GALNT13: variants seen among roughly 807,000 people sequenced by gnomAD.
GALNT13 encodes UDP-GalNAc:polypeptide N-acetylgalactosaminyltransferase 13.
GALNT13 carries 28 observed loss-of-function variants against 64.2 expected under a neutral mutation model. That is an observed-to-expected ratio of 0.44 (90% CI 0.32 to 0.60). The LOEUF (loss-of-function observed/expected upper bound fraction) is 0.60. Among genes scored for constraint, GALNT13 ranks in the 20% least tolerant of loss-of-function variants. The pLI is 0.05. For missense variants in GALNT13, 577 were observed against 669.8 expected (o/e 0.86, Z 1.53); for synonymous variants, 214 against 224.6 (o/e 0.95, Z 0.42).
At chr2:153,207,108 T>A in the GALNT13 span, among the ~76,000 whole-genome samples, 1 of 152,092 alleles carries the variant, frequency 6.6e-6, no homozygotes, top group Admixed American at 6.5e-5. Flanking sequence ...TGCATTTTGT[T>A]CATAGTTTAT....
At chr2:153,358,255 T>A in the GALNT13 span, among the ~76,000 whole-genome samples, 4 of 152,206 alleles carry the variant, frequency 2.6e-5, no homozygotes, top group Non-Finnish European at 5.9e-5. Context: ...AAATCCAGTA[T>A]GTATGTCTTT....
intron 7 of GALNT13, 151 bp downstream of exon 7, chr2:154,246,133 C>G (rs1234212453): frequency 4.4e-6 from 2 of 458,276 alleles, no homozygotes; most frequent in Non-Finnish European, 7.3e-6. Context: ...ATATAAGGAT[C>G]AATGACAATA....
the GALNT13 span, among the ~76,000 whole-genome samples, chr2:153,774,637 T>C: frequency 6.6e-6 from 1 of 152,186 alleles, no homozygotes; most frequent in African/African-American, 2.4e-5. Context: ...GGCTCACACC[T>C]GTAATCATAG....
chr2:153,746,004 G>T, the GALNT13 span, among the ~76,000 whole-genome samples: 101 of 152,280 alleles, frequency 6.6e-4, 2 homozygotes, highest in East Asian at 0.016. Flanking sequence ...TGGTTTCCCA[G>T]AATGCAATAG....
At chr2:153,564,207 T>TC in the GALNT13 span, among the ~76,000 whole-genome samples, 3 of 151,850 alleles carry the variant, frequency 2.0e-5, no homozygotes, top group Admixed American at 6.6e-5. Context: ...TATATATTTT[T>TC]TTTACTATTC....
the GALNT13 span, among the ~76,000 whole-genome samples, chr2:153,773,415 A>G: frequency 6.6e-6 from 1 of 152,288 alleles, no homozygotes; most frequent in African/African-American, 2.4e-5. Flanking sequence ...TAATTCTACT[A>G]TCGTATTGGA....
chr2:154,396,735 A>G (rs998928574), intron 10 of GALNT13, among the ~76,000 whole-genome samples: 18 of 152,004 alleles, frequency 1.2e-4, no homozygotes, highest in Non-Finnish European at 2.2e-4. Flanking sequence ...ACTCTTATAC[A>G]CTCAGGAGAA....
At chr2:154,256,907 C>G (rs1036591800) in intron 7 of GALNT13, among the ~76,000 whole-genome samples, 1 of 152,126 alleles carries the variant, frequency 6.6e-6, no homozygotes, top group African/African-American at 2.4e-5. Flanking sequence ...TTTCTAGATG[C>G]TCTGAACACT....
chr2:153,969,027 G>GAATTTT lies in GALNT13; in HGVS notation c.142+24395_142+24400dup, dbSNP rs565455272. Among the ~76,000 whole-genome samples, 138 of 152,000 alleles carry GAATTTT rather than the reference G, an allele frequency of 9.1e-4. 2 individuals are homozygous for GAATTTT. The East Asian group carries it at 0.025, about 28-fold the overall frequency. On this transcript the variant is annotated intron_variant, in intron 3 of 12. Coordinates refer to ENST00000392825, the MANE Select transcript of GALNT13 (RefSeq NM_052917.4). ...TTTTATTTAGAGTAATAATGAGGAT[G>GAATTTT]AATTTTAATTTTTTGATAATGATTC...
At chr2:154,149,643 G>C (rs538406333) in intron 4 of GALNT13, among the ~76,000 whole-genome samples, 1 of 151,984 alleles carries the variant, frequency 6.6e-6, no homozygotes, top group Non-Finnish European at 1.5e-5. Context: ...GGTCCTTCAC[G>C]TCCCTTGTAA....
chr2:153,427,967 A>G, the GALNT13 span, among the ~76,000 whole-genome samples: 1 of 152,288 alleles, frequency 6.6e-6, no homozygotes, highest in East Asian at 1.9e-4. Flanking sequence ...AAGTTTGTTT[A>G]TACTTTTTGT....
chr2:153,371,462 G>T, the GALNT13 span, among the ~76,000 whole-genome samples: 1 of 152,106 alleles, frequency 6.6e-6, no homozygotes, highest in Non-Finnish European at 1.5e-5. Flanking sequence ...ACTAAGAAAA[G>T]AGTTTATCCA....
intron 3 of GALNT13, among the ~76,000 whole-genome samples, chr2:154,095,681 A>G (rs1558954872): frequency 6.6e-6 from 1 of 151,982 alleles, no homozygotes; most frequent in Non-Finnish European, 1.5e-5. Flanking sequence ...TTTACTTCCA[A>G]ATATGCTAAT....
the GALNT13 span, among the ~76,000 whole-genome samples, chr2:153,844,808 A>G: frequency 6.6e-6 from 1 of 152,218 alleles, no homozygotes; most frequent in Non-Finnish European, 1.5e-5. Flanking sequence ...CTGCTTAGAT[A>G]TATTTTCCAC....
chr2:153,625,732 C>T, the GALNT13 span, among the ~76,000 whole-genome samples: 1 of 149,296 alleles, frequency 6.7e-6, no homozygotes, highest in Non-Finnish European at 1.5e-5. Flanking sequence ...TCTCAGTCTT[C>T]TTTTTTTTTT....
the GALNT13 span, among the ~76,000 whole-genome samples, chr2:153,347,081 T>C: frequency 6.6e-6 from 1 of 152,254 alleles, no homozygotes; most frequent in Non-Finnish European, 1.5e-5. Context: ...AATATTGTCC[T>C]GGCTTGGGCA....
chr2:154,303,861 G>C (rs922001087), intron 9 of GALNT13, among the ~76,000 whole-genome samples: 4 of 151,866 alleles, frequency 2.6e-5, no homozygotes, highest in African/African-American at 9.7e-5. Flanking sequence ...CGGTTCAAGG[G>C]ATTCTCCTGC....
At chr2:153,086,699 TTTTATTTTATTTTA>T in the GALNT13 span, among the ~76,000 whole-genome samples, 9 of 150,078 alleles carry the variant, frequency 6.0e-5, no homozygotes, top group African/African-American at 9.8e-5. Flanking sequence ...TTCCTAAGTA[TTTTATTTTATTTTA>T]TTTATTTTAT....
the GALNT13 span, among the ~76,000 whole-genome samples, chr2:153,548,515 A>G: frequency 4.4e-4 from 67 of 152,300 alleles, no homozygotes; most frequent in Middle Eastern, 6.8e-3. Flanking sequence ...AACAGGAGCC[A>G]CTGTCTTCTG....
Sources: gnomAD v4.1 joint callset for allele counts (sites outside exome capture counted in the v4.1 genomes callset) on GRCh38, gnomAD v4.1.1 for gene constraint, MANE v1.5 for transcripts, NCBI Gene and HGNC (gene_info 2026-07-23, HGNC 2026-07-21) for gene names.